SUSD1: variants seen among roughly 807,000 people sequenced by gnomAD.
The protein encoded by SUSD1 is sushi domain containing 1, also known as sushi domain-containing protein 1.
In SUSD1, 65 loss-of-function variants were observed where a neutral mutation model predicts 86.9. That is an observed-to-expected ratio of 0.75 (90% CI 0.61 to 0.92). The LOEUF (loss-of-function observed/expected upper bound fraction) is 0.92, where lower values mean the gene tolerates loss of function less well. Among genes scored for constraint, SUSD1 ranks in the 40% least tolerant of loss-of-function variants. The probability of loss-of-function intolerance (pLI) is 0.00; values close to 1 mark genes in which losing one functional copy is unlikely to be tolerated. For missense variants in SUSD1, 850 were observed against 929.7 expected (o/e 0.91, Z 1.11); for synonymous variants, 346 against 350.0 (o/e 0.99, Z 0.13).
intron 8 of SUSD1, among the ~76,000 whole-genome samples, chr9:112,106,837 C>G (rs1032387017): frequency 6.7e-6 from 1 of 150,154 alleles, no homozygotes; most frequent in East Asian, 2.0e-4. Context: ...GAAATACACA[C>G]TCAAATAGAA....
At chr9:112,100,676 A>AC (rs1172178673) in intron 9 of SUSD1, among the ~76,000 whole-genome samples, 1 of 151,848 alleles carries the variant, frequency 6.6e-6, no homozygotes, top group Non-Finnish European at 1.5e-5. Flanking sequence ...TACCAAAAAT[A>AC]CAAAAATTAG....
intron 5 of SUSD1, among the ~76,000 whole-genome samples, chr9:112,138,251 A>ATG (rs1285909825): frequency 3.4e-5 from 4 of 117,566 alleles, no homozygotes; most frequent in African/African-American, 1.0e-4. Flanking sequence ...ATATATATAT[A>ATG]TATATGTGTA....
intron 2 of SUSD1, among the ~76,000 whole-genome samples, chr9:112,150,783 G>C (rs974501965): frequency 7.9e-5 from 12 of 152,148 alleles, no homozygotes; most frequent in African/African-American, 2.9e-4. Flanking sequence ...CATAGAAGTG[G>C]TACAGTAAAA....
intron 1 of SUSD1, among the ~76,000 whole-genome samples, chr9:112,161,507 T>C (rs1475622950): frequency 2.0e-5 from 3 of 151,662 alleles, no homozygotes; most frequent in Non-Finnish European, 4.4e-5. Context: ...ATGAACATTC[T>C]CCCCAATTTA....
intron 5 of SUSD1, among the ~76,000 whole-genome samples, chr9:112,131,268 G>A (rs914179992): frequency 2.0e-5 from 3 of 152,180 alleles, no homozygotes; most frequent in African/African-American, 4.8e-5. Flanking sequence ...AATCTTACAG[G>A]TTAGCTAAAA....
At position 112,162,961 on chromosome 9, in the gene SUSD1, T is replaced by C. The variant is rs568985050; in HGVS notation, c.104-5348A>G. On this transcript the variant is annotated intron_variant, in intron 1 of 16. Transcript: ENST00000374270. ...ATTTTTGAATGAACACTCCATTCAT[T>C]TGAAGTCAGTGTTTCCCAGTGGCCA... is the stretch of plus-strand genomic sequence containing the variant. 1.6e-4 allele frequency among the ~76,000 whole-genome samples: 25 copies of C among 152,368 alleles called. No homozygotes were observed. The South Asian group carries it at 4.6e-3, about 28-fold the overall frequency.
At chr9:112,148,721 T>C (rs1167021910) in intron 3 of SUSD1, among the ~76,000 whole-genome samples, 1 of 151,932 alleles carries the variant, frequency 6.6e-6, no homozygotes. Context: ...GCCTGGCCAA[T>C]GGGGCAAAAC....
intron 5 of SUSD1, among the ~76,000 whole-genome samples, chr9:112,139,333 G>A (rs959892812): frequency 2.6e-5 from 4 of 152,028 alleles, no homozygotes; most frequent in East Asian, 1.9e-4. Context: ...GTAAAATTTA[G>A]CAAATATAAT....
rs1396023607 is a variant in SUSD1 at position 112,058,804 on chromosome 9, G to GT, written c.1851-119dup. The GT allele has an allele frequency of 1.8e-4, 244 of 1,350,398 alleles. 1 individual carries two copies. The highest frequency in any genetic ancestry group is 9.0e-4 in the Admixed American group (37 of 41,126). The allele number at this position is 1,350,398 out of a possible 1,614,324, so 83.7% of individuals were successfully genotyped here. On this transcript the variant is annotated intron_variant, in intron 13 of 16. Coordinates refer to ENST00000374270, the MANE Select transcript of SUSD1 (RefSeq NM_022486.5). ...CTCTTTCTTTGTTTTTTTGTTTTTT[G>GT]TTTTTTTTGAGATGGAGTCTTGCTC...
intron 14 of SUSD1, among the ~76,000 whole-genome samples, chr9:112,055,296 T>G (rs979231444): frequency 5.3e-5 from 8 of 152,122 alleles, no homozygotes; most frequent in African/African-American, 1.7e-4. Flanking sequence ...TGTGATGGCA[T>G]GCACCTGTAG....
At chr9:112,127,422 G>A (rs752014963) in intron 5 of SUSD1, among the ~76,000 whole-genome samples, 9 of 151,936 alleles carry the variant, frequency 5.9e-5, no homozygotes, top group Non-Finnish European at 1.3e-4. Context: ...TATAGTCCCC[G>A]TGCCTCCCAT....
chr9:112,159,817 T>C (rs1448118857), intron 1 of SUSD1, among the ~76,000 whole-genome samples: 31 of 152,216 alleles, frequency 2.0e-4, no homozygotes. Flanking sequence ...TTCAAATTTG[T>C]TGCATTTTCC....
rs2131686741 is a variant in SUSD1, at chr9:112,124,130, A to C, written c.886+127T>G. 5 of 863,148 alleles carry C rather than the reference A, an allele frequency of 5.8e-6. No individual in the cohort carries two copies. In the South Asian group the frequency reaches 1.5e-4, roughly 26 times the overall value. 53.5% of individuals were successfully genotyped at this position (863,148 alleles called of 1,614,324 possible). On this transcript the variant is annotated intron_variant, in intron 6 of 16. Coordinates refer to ENST00000374270, the MANE Select transcript of SUSD1 (RefSeq NM_022486.5). ...AGCTGACAAATCTAAAGCCAGGTGC[A>C]CAACCAGGTAAATAGCCGAGCTGGG...
intron 6 of SUSD1, among the ~76,000 whole-genome samples, chr9:112,123,487 G>A (rs564437179): frequency 1.3e-5 from 2 of 152,288 alleles, no homozygotes; most frequent in South Asian, 4.1e-4. Flanking sequence ...AGATATGGAG[G>A]AGACAAACAT....
At position 112,058,549 on chromosome 9, in the gene SUSD1, G is replaced by A. The variant is rs748002288; in HGVS notation, c.1988C>T (p.Pro663Leu). 1 of 1,614,112 alleles carries A rather than the reference G, an allele frequency of 6.2e-7. No homozygotes were observed. Among genetic ancestry groups the A allele is most frequent in the South Asian group, 1.1e-5 (1 of 91,078 alleles). ...VAAELLAKDV[P>L]DDAMEIPIGD... ...TATAGGTATCTCCATGGCATCATCTGGAACATCTTTGGCCAGTAGTTCTGC... is the reference window on the plus strand; with the variant it reads ...TATAGGTATCTCCATGGCATCATCTAGAACATCTTTGGCCAGTAGTTCTGC... Residue 663 changes from proline (P) to leucine (L), a missense_variant, in exon 14 of 17, where the codon CCA (proline) becomes CTA (leucine). Pro to Leu is a moderately conservative substitution (Grantham distance 98, BLOSUM62 -3). Coordinates refer to ENST00000374270, the MANE Select transcript of SUSD1 (RefSeq NM_022486.5).
chr9:112,083,305 G>A (rs1829843917), intron 10 of SUSD1, among the ~76,000 whole-genome samples: 1 of 151,914 alleles, frequency 6.6e-6, no homozygotes, highest in African/African-American at 2.4e-5. Flanking sequence ...TCAGCTCAGT[G>A]CAACCTCTGC....
At position 112,047,872 on chromosome 9, in the gene SUSD1, T is replaced by C. The variant is rs187388101; in HGVS notation, c.2149+4527A>G. On this transcript the variant is annotated intron_variant, in intron 15 of 16. Transcript: ENST00000374270. ...AGATGCAGTACTATGCTCTTGAACT[T>C]CCCAGCCTACAGACTCATGAGCTAA... Among the ~76,000 whole-genome samples the C allele has an allele frequency of 1.8e-4, 28 of 152,306 alleles. No individual in the cohort carries two copies. The East Asian group carries it at 4.8e-3, about 26-fold the overall frequency.
intron 12 of SUSD1, among the ~76,000 whole-genome samples, chr9:112,072,232 C>G (rs1297953986): frequency 7.1e-6 from 1 of 140,916 alleles, no homozygotes; most frequent in East Asian, 2.2e-4. Flanking sequence ...CTCACTGCAA[C>G]TCTGCCTCCC....
chr9:112,059,943 C>A (rs1828638593), intron 13 of SUSD1, among the ~76,000 whole-genome samples: 1 of 151,984 alleles, frequency 6.6e-6, no homozygotes, highest in Non-Finnish European at 1.5e-5. Context: ...CTCCCCAACC[C>A]CCGCCCTGCC....
Sources: gnomAD v4.1 joint callset for allele counts (sites outside exome capture counted in the v4.1 genomes callset) on GRCh38, gnomAD v4.1.1 for gene constraint, MANE v1.5 for transcripts, NCBI Gene and HGNC (gene_info 2026-07-23, HGNC 2026-07-21) for gene names.